The following RUFY2 variants were observed in gnomAD, a reference collection of about 807,000 sequenced individuals.
RUFY2 encodes RUN and FYVE domain containing 2.
RUFY2 carries 49 observed loss-of-function variants against 94.4 expected under a neutral mutation model. The ratio of observed to expected loss-of-function variants is 0.52; its 90% CI spans 0.41 to 0.66. The LOEUF is 0.66. Ranked by LOEUF, RUFY2 falls within the 30% of genes least tolerant of loss-of-function variation. RUFY2 has a pLI of 0.00. For synonymous variants in RUFY2, 255 were observed against 235.7 expected (o/e 1.08, Z -0.75); for missense variants, 541 against 692.8 (o/e 0.78, Z 2.46).
At chr10:68,341,518 A>C (rs752010775), downstream of RUFY2, 1 of 1,168,276 alleles carries the variant, frequency 8.6e-7, no homozygotes, top group Non-Finnish European at 1.3e-6. Flanking sequence ...TTTTTTACAA[A>C]GCTTGTATTG....
At chr10:68,391,517 G>A (rs1486931501) in intron 7 of RUFY2, among the ~76,000 whole-genome samples, 1 of 151,694 alleles carries the variant, frequency 6.6e-6, no homozygotes, top group African/African-American at 2.4e-5. Context: ...GCATGGTGGT[G>A]CACACTTGTG....
intron 13 of RUFY2, among the ~76,000 whole-genome samples, chr10:68,374,513 G>A (rs2048492576): frequency 6.6e-6 from 1 of 152,030 alleles, no homozygotes; most frequent in Non-Finnish European, 1.5e-5. Flanking sequence ...CAGAGCTTTA[G>A]AATACAATAA....
In RUFY2 at chr10:68,349,607, C is replaced by A. The variant is rs576404305; in HGVS notation, c.1600-3523G>T. 2.6e-5 allele frequency among the ~76,000 whole-genome samples: 4 copies of A among 151,804 alleles called. No individual in the cohort carries two copies. In the East Asian group the frequency reaches 7.8e-4, roughly 30 times the overall value. On this transcript the variant is annotated intron_variant, in intron 16 of 17. Coordinates refer to ENST00000602465, the MANE Select transcript of RUFY2 (RefSeq NM_001330103.2). ...AGGCTGGAGTGCAGTGGTGCAATCTCGGCTCACTGCAAGCTCCGCCTCCCG... is the reference window on the plus strand; with the variant it reads ...AGGCTGGAGTGCAGTGGTGCAATCTAGGCTCACTGCAAGCTCCGCCTCCCG...
In RUFY2 at chr10:68,399,962, T is replaced by C. The variant is rs374738553; in HGVS notation, c.296+1658A>G. Among the ~76,000 whole-genome samples the C allele has an allele frequency of 5.9e-5, 9 of 152,044 alleles. No individual in the cohort carries two copies. The East Asian group carries it at 1.4e-3, about 23-fold the overall frequency. ...ACACCGGCTAATTTTGTATTTTTAGTAAAGACAGGCTTTCTCCATTTTGGT... is the reference window on the plus strand; with the variant it reads ...ACACCGGCTAATTTTGTATTTTTAGCAAAGACAGGCTTTCTCCATTTTGGT... On this transcript the variant is annotated intron_variant, in intron 3 of 17. Transcript: ENST00000602465.
Position 68,379,433 on chromosome 10 carries a change from A to G in RUFY2, c.1196T>C (p.Leu399Pro). 3 of 1,605,098 alleles carry G rather than the reference A, an allele frequency of 1.9e-6. No homozygotes were observed. The highest frequency in any genetic ancestry group is 2.5e-6 in the Non-Finnish European group (3 of 1,176,924). ...ACTGGAAATGCTGTACCTTTGTTCC[A>G]GCTGCCTCATGGCTGCAGTAATTTT... The part of the protein sequence containing the change: ...TNKITAAMRQ[L>P]EQRLQQAEKA... The change falls in exon 12 of 18, where the codon CTG (leucine) becomes CCG (proline). Residue 399 changes from leucine (L) to proline (P), a missense_variant. Coordinates refer to ENST00000602465, the MANE Select transcript of RUFY2 (RefSeq NM_001330103.2).
chr10:68,386,718 C>T (rs551901167), intron 7 of RUFY2, among the ~76,000 whole-genome samples: 6 of 152,120 alleles, frequency 3.9e-5, no homozygotes, highest in East Asian at 1.9e-4. Context: ...AATAAAAATT[C>T]GACACAAAGA....
At chr10:68,378,786 A>G (rs1393062679) in intron 12 of RUFY2, 2 of 674,324 alleles carry the variant, frequency 3.0e-6, no homozygotes, top group African/African-American at 3.6e-5. Flanking sequence ...GATGTCAATA[A>G]AAGAATATTC....
intron 7 of RUFY2, among the ~76,000 whole-genome samples, chr10:68,390,870 G>A (rs963609776): frequency 6.6e-5 from 10 of 151,702 alleles, no homozygotes; most frequent in African/African-American, 1.9e-4. Flanking sequence ...GGGCTCAAGA[G>A]ATCTTCTTGC....
At chr10:68,347,375 C>T (rs2046360329) in intron 16 of RUFY2, among the ~76,000 whole-genome samples, 1 of 150,814 alleles carries the variant, frequency 6.6e-6, no homozygotes, top group Admixed American at 6.6e-5. Context: ...ACCTCCGTCT[C>T]CCAGGTTCAA....
Position 68,348,929 on chromosome 10 carries a change from A to T in RUFY2, c.1600-2845T>A, listed in dbSNP as rs1444396522. On this transcript the variant is annotated intron_variant, in intron 16 of 17. Coordinates refer to ENST00000602465, the MANE Select transcript of RUFY2 (RefSeq NM_001330103.2). The stretch of plus-strand genomic sequence containing the variant: ...CCTCTTGCTCTGCAAATAAACAGCA[A>T]TTTTTCTCTGCCCAATTCCAGAAAG... Among the ~76,000 whole-genome samples the T allele has an allele frequency of 2.6e-5, 4 of 152,252 alleles. No homozygotes were observed. In the East Asian group the frequency reaches 5.8e-4, roughly 22 times the overall value.
At position 68,345,761 on chromosome 10, in the gene RUFY2, T is replaced by C. The variant is rs199943115; in HGVS notation, c.*7A>G. On this transcript the variant is annotated 3_prime_UTR_variant, in exon 18 of 18. Transcript: ENST00000602465. ...AATTTCATACATAAGGATTTAGTTCTGGAGTCTCAGGGCAAGTTAGATGAG... is the reference window on the plus strand; with the variant it reads ...AATTTCATACATAAGGATTTAGTTCCGGAGTCTCAGGGCAAGTTAGATGAG... The C allele has an allele frequency of 2.2e-4, 349 of 1,609,212 alleles. No homozygotes were observed. The highest frequency in any genetic ancestry group is 1.3e-3 in the Middle Eastern group (8 of 6,040).
rs748724632 is a variant in RUFY2 at position 68,379,557 on chromosome 10, T to TTGTGTGTGTGTGTTTG, written c.1108-52_1108-37dup. 3 of 1,470,654 alleles carry TTGTGTGTGTGTGTTTG rather than the reference T, an allele frequency of 2.0e-6. No individual in the cohort carries two copies. In the African/African-American group the frequency reaches 4.2e-5, roughly 21 times the overall value. The allele number at this position is 1,470,654 out of a possible 1,614,324, so 91.1% of individuals were successfully genotyped here. A position where few individuals can be genotyped will look rare whatever the true frequency, so the allele number is the denominator to read the frequency against. Reference sequence around the variant, plus strand: ...AAACAAAAGCTATGGTGGTTTTGATTTGTGTGTGTGTGTTTGTGTGTGTGT... The same window carrying TTGTGTGTGTGTGTTTG: ...AAACAAAAGCTATGGTGGTTTTGATTTGTGTGTGTGTGTTTGTGTGTGTGTGTGTTTGTGTGTGTGT... On this transcript the variant is annotated intron_variant, in intron 11 of 17. Coordinates refer to ENST00000602465, the MANE Select transcript of RUFY2 (RefSeq NM_001330103.2).
In RUFY2 at chr10:68,345,400, C is replaced by T; in HGVS notation, c.*368G>A. ...CGTTTCCAGTTTCAGAACTGTGAAG[C>T]TTTAAAGTGCATTAAGAGAACTGCA... is the stretch of plus-strand genomic sequence containing the variant. On this transcript the variant is annotated 3_prime_UTR_variant, in exon 18 of 18. Transcript: ENST00000602465. 5.1e-6 allele frequency: 2 copies of T among 395,214 alleles called. No homozygotes were observed. Among genetic ancestry groups the T allele is most frequent in the Non-Finnish European group, 8.9e-6 (2 of 224,334 alleles). 24.5% of individuals were successfully genotyped at this position (395,214 alleles called of 1,614,324 possible). A position where few individuals can be genotyped will look rare whatever the true frequency, so the allele number is the denominator to read the frequency against.
At chr10:68,385,485 T>G (rs536988990) in intron 8 of RUFY2, among the ~76,000 whole-genome samples, 341 of 151,918 alleles carry the variant, frequency 2.2e-3, no homozygotes, top group Admixed American at 3.2e-3. Context: ...CATGAGAAGG[T>G]GGAAAAATGG....
chr10:68,406,982 G>A, intron 1 of RUFY2: 2 of 1,530,538 alleles, frequency 1.3e-6, no homozygotes, highest in South Asian at 2.5e-5. Flanking sequence ...GGGCGGGAAC[G>A]GGCCGGAACA....
intron 7 of RUFY2, among the ~76,000 whole-genome samples, chr10:68,391,513 T>C (rs1256854663): frequency 6.6e-6 from 1 of 151,628 alleles, no homozygotes; most frequent in African/African-American, 2.4e-5. Context: ...CTAGGCATGG[T>C]GGTGCACACT....
intron 6 of RUFY2, 190 bp downstream of exon 6, chr10:68,393,885 A>T: frequency 7.8e-7 from 1 of 1,279,458 alleles, no homozygotes; most frequent in South Asian, 1.5e-5. Flanking sequence ...TATTAATAAA[A>T]CCTCCTTCTC....
intron 16 of RUFY2, among the ~76,000 whole-genome samples, chr10:68,354,865 GAGAA>G (rs370584077): frequency 8.1e-4 from 94 of 115,974 alleles, no homozygotes; most frequent in African/African-American, 3.0e-3. Flanking sequence ...TTTTTTTTTT[GAGAA>G]AGAGTCTCGC....
chr10:68,385,049 G>A (rs1465785550), intron 8 of RUFY2, among the ~76,000 whole-genome samples: 1 of 152,198 alleles, frequency 6.6e-6, no homozygotes, highest in South Asian at 2.1e-4. Context: ...GGATCACGAG[G>A]TCAGGAGTTT....
Sources: gnomAD v4.1 joint callset for allele counts (sites outside exome capture counted in the v4.1 genomes callset) on GRCh38, gnomAD v4.1.1 for gene constraint, MANE v1.5 for transcripts, NCBI Gene and HGNC (gene_info 2026-07-23, HGNC 2026-07-21) for gene names.